Variants in MACROD2 observed in about 807,000 individuals in gnomAD.
The protein encoded by MACROD2 is mono-ADP ribosylhydrolase 2.
Under a neutral mutation model 70.4 loss-of-function variants are expected in MACROD2, and 36 were observed. That is an observed-to-expected ratio of 0.51 (90% confidence interval 0.39 to 0.68). MACROD2 has a LOEUF of 0.68. MACROD2 is among the 30% of genes least tolerant of loss of function. The pLI, the probability that MACROD2 is intolerant of heterozygous loss-of-function variation, is 0.00. For synonymous variants in MACROD2, 172 were observed against 178.8 expected, an observed-to-expected ratio of 0.96 and a Z score of 0.30; for missense variants, 496 against 538.4, an observed-to-expected ratio of 0.92 and a Z score of 0.78.
chr20:15,544,758 A>G (rs1230296788), intron 8 of MACROD2, among the ~76,000 whole-genome samples: 1 of 152,238 alleles, frequency 6.6e-6, no homozygotes, highest in East Asian at 1.9e-4. Context: ...AATTATTATT[A>G]GGTAAATAAC....
At chr20:14,002,466 G>T in intron 2 of MACROD2, 62 bp downstream of exon 2, 1 of 952,156 alleles carries the variant, frequency 1.1e-6, no homozygotes, top group Non-Finnish European at 1.6e-6. Flanking sequence ...ATTGTTGACA[G>T]AAATGAATAA....
At chr20:14,327,080 C>G in intron 3 of MACROD2, 2 of 1,613,736 alleles carry the variant, frequency 1.2e-6, no homozygotes, top group Non-Finnish European at 1.7e-6. Context: ...TCTATGCTAA[C>G]TGCAGAGACA....
At chr20:14,358,417 AC>A (rs2083192545) in intron 3 of MACROD2, among the ~76,000 whole-genome samples, 1 of 151,528 alleles carries the variant, frequency 6.6e-6, no homozygotes, top group African/African-American at 2.4e-5. Flanking sequence ...TTCTCTTAAC[AC>A]CCCTAGGAGG....
intron 5 of MACROD2, among the ~76,000 whole-genome samples, chr20:14,795,438 G>A (rs1243267936): frequency 1.3e-5 from 2 of 151,978 alleles, no homozygotes; most frequent in Non-Finnish European, 2.9e-5. Context: ...ATGGGAGTGG[G>A]GAAAGGATTT....
intron 3 of MACROD2, among the ~76,000 whole-genome samples, chr20:14,416,978 C>T (rs1218966550): frequency 1.3e-5 from 2 of 152,122 alleles, no homozygotes; most frequent in African/African-American, 4.8e-5. Flanking sequence ...GCAACCTGAA[C>T]TTTAATTTTC....
intron 5 of MACROD2, among the ~76,000 whole-genome samples, chr20:14,876,894 T>G (rs777375830): frequency 6.6e-6 from 1 of 152,166 alleles, no homozygotes; most frequent in Non-Finnish European, 1.5e-5. Context: ...AGTCAGGTAA[T>G]GTGATGCCTC....
chr20:14,462,821 G>A (rs2084388249), intron 3 of MACROD2, among the ~76,000 whole-genome samples: 3 of 152,114 alleles, frequency 2.0e-5, no homozygotes, highest in Admixed American at 2.0e-4. Flanking sequence ...TTTTTGTTAG[G>A]TTTGTCAAAG....
intron 3 of MACROD2, among the ~76,000 whole-genome samples, chr20:14,207,265 T>C (rs2081531950): frequency 6.6e-6 from 1 of 151,998 alleles, no homozygotes; most frequent in South Asian, 2.1e-4. Context: ...GCCCAGCTAA[T>C]TTTTGTGGTT....
At chr20:15,688,683 C>T (rs555745903) in intron 8 of MACROD2, among the ~76,000 whole-genome samples, 39 of 152,276 alleles carry the variant, frequency 2.6e-4, no homozygotes, top group African/African-American at 8.9e-4. Flanking sequence ...TTGATGCATA[C>T]AATGTGCGTG....
chr20:15,045,003 T>C (rs921574666), intron 5 of MACROD2, among the ~76,000 whole-genome samples: 38 of 152,152 alleles, frequency 2.5e-4, no homozygotes, highest in Admixed American at 2.4e-3. Context: ...AAAACAGTCA[T>C]ATGTGGTTCA....
At chr20:14,059,817 A>G (rs1273425115) in intron 2 of MACROD2, among the ~76,000 whole-genome samples, 1 of 152,216 alleles carries the variant, frequency 6.6e-6, no homozygotes, top group African/African-American at 2.4e-5. Context: ...GATAAGTGCT[A>G]TAAAGAAGAT....
At chr20:15,096,738 C>T (rs549538160) in intron 5 of MACROD2, among the ~76,000 whole-genome samples, 60 of 151,500 alleles carry the variant, frequency 4.0e-4, no homozygotes, top group African/African-American at 1.3e-3. Flanking sequence ...TCTGGAGCTC[C>T]TGACGTCAAG....
intron 5 of MACROD2, among the ~76,000 whole-genome samples, chr20:14,699,815 T>A (rs1177808167): frequency 6.7e-6 from 1 of 149,448 alleles, no homozygotes; most frequent in Non-Finnish European, 1.5e-5. Flanking sequence ...GTTTAAACTT[T>A]TTAAATCTAG....
chr20:15,011,917 T>G (rs898440319), intron 5 of MACROD2, among the ~76,000 whole-genome samples: 2 of 152,158 alleles, frequency 1.3e-5, no homozygotes, highest in African/African-American at 2.4e-5. Flanking sequence ...TTGGCACTCA[T>G]GTTATGACCA....
At chr20:14,724,425 T>C (rs1163862674) in intron 5 of MACROD2, among the ~76,000 whole-genome samples, 2 of 152,114 alleles carry the variant, frequency 1.3e-5, no homozygotes, top group Non-Finnish European at 2.9e-5. Context: ...TTGTAAATGG[T>C]AGGGATGCCC....
intron 8 of MACROD2, among the ~76,000 whole-genome samples, chr20:15,561,757 AG>A (rs2048247594): frequency 6.6e-6 from 1 of 152,050 alleles, no homozygotes; most frequent in Admixed American, 6.6e-5. Context: ...TGGGGTGAAA[AG>A]CTGCTGCTTT....
chr20:14,106,529 C>T (rs764381783), intron 3 of MACROD2, among the ~76,000 whole-genome samples: 1 of 152,166 alleles, frequency 6.6e-6, no homozygotes, highest in South Asian at 2.1e-4. Flanking sequence ...GGACAAAAAT[C>T]TGGCTGGCTT....
intron 5 of MACROD2, among the ~76,000 whole-genome samples, chr20:14,791,254 C>T (rs1469053520): frequency 6.6e-6 from 1 of 152,114 alleles, no homozygotes; most frequent in Admixed American, 6.5e-5. Flanking sequence ...AGTTTTGAGA[C>T]TCAGTATGTA....
intron 2 of MACROD2, among the ~76,000 whole-genome samples, chr20:14,023,602 T>A (rs765201671): frequency 2.6e-5 from 4 of 152,214 alleles, no homozygotes. Context: ...GGGGTCCAGT[T>A]TCAGTTTTCT....
Sources: gnomAD v4.1 joint callset for allele counts (sites outside exome capture counted in the v4.1 genomes callset) on GRCh38, gnomAD v4.1.1 for gene constraint, MANE v1.5 for transcripts, NCBI Gene and HGNC (gene_info 2026-07-23, HGNC 2026-07-21) for gene names.